The following ADGRE3 variants were observed in gnomAD, a reference collection of about 807,000 sequenced individuals.
ADGRE3 encodes adhesion G protein-coupled receptor E3.
In ADGRE3, 88 loss-of-function variants were observed where a neutral mutation model predicts 80.1. That is an observed-to-expected ratio of 1.10 (90% CI 0.93 to 1.31). The LOEUF (loss-of-function observed/expected upper bound fraction) is 1.31, where lower values mean the gene tolerates loss of function less well. Among genes scored for constraint, ADGRE3 ranks in the 40% most tolerant of loss-of-function variants. The pLI is 0.00. For synonymous variants in ADGRE3, 281 were observed against 294.8 expected (o/e 0.95, Z 0.48); for missense variants, 715 against 776.5 (o/e 0.92, Z 0.94).
Position 14,649,380 on chromosome 19 carries a change from C to T in ADGRE3, c.697+1705G>A, listed in dbSNP as rs117769818. ...TCTCTCCCCATCTCTCTTTCCATCT[C>T]TCTCTCCCCATCTCTCTCTTTCCAT... is the stretch of plus-strand genomic sequence containing the variant. On this transcript the variant is annotated intron_variant, in intron 7 of 15. Coordinates refer to ENST00000253673, the MANE Select transcript of ADGRE3 (RefSeq NM_032571.5). 2.2e-3 allele frequency among the ~76,000 whole-genome samples: 324 copies of T among 147,782 alleles called. 1 individual carries two copies. The highest frequency in any genetic ancestry group is 3.7e-3 in the Middle Eastern group (1 of 268).
At position 14,630,203 on chromosome 19, in the gene ADGRE3, G is replaced by C. The variant is rs903061478; in HGVS notation, c.1648C>G (p.Leu550Val). The change falls in exon 14 of 16, where the codon CTG becomes GTG. Residue 550 changes from leucine to valine, a missense_variant. Coordinates refer to ENST00000253673, the MANE Select transcript of ADGRE3 (RefSeq NM_032571.5). Reference sequence around the variant, plus strand: ...AGCTGAGCTGTTGCTTTGAAAGCCAGCATCCTGGGAGGAGGAAGTCAGAGA... The same window carrying C: ...AGCTGAGCTGTTGCTTTGAAAGCCACCATCCTGGGAGGAGGAAGTCAGAGA... Reference protein sequence around the residue: ...EVSTIQNTRMLAFKATAQLFI... With the variant: ...EVSTIQNTRMVAFKATAQLFI... The C allele has an allele frequency of 2.5e-6, 4 of 1,600,182 alleles. No individual in the cohort carries two copies. The African/African-American group carries it at 5.4e-5, about 21-fold the overall frequency.
chr19:14,651,777 C>A (rs570153626), intron 6 of ADGRE3, among the ~76,000 whole-genome samples: 2 of 152,244 alleles, frequency 1.3e-5, no homozygotes. Context: ...CACAGTGGCT[C>A]ATGCTTGTAA....
At chr19:14,650,114 TCATCTCTCTCTTTC>T (rs1971546499) in intron 7 of ADGRE3, among the ~76,000 whole-genome samples, 1 of 118,274 alleles carries the variant, frequency 8.5e-6, no homozygotes. Flanking sequence ...ATCCCTCTCC[TCATCTCTCTCTTTC>T]CATCTCTCTC....
At chr19:14,611,316 G>C in the ADGRE3 span, among the ~76,000 whole-genome samples, 1 of 149,402 alleles carries the variant, frequency 6.7e-6, no homozygotes, top group African/African-American at 2.5e-5. Flanking sequence ...GTTTGCACAA[G>C]CTAAGTGGCA....
At chr19:14,637,836 G>T (rs900434835) in intron 11 of ADGRE3, among the ~76,000 whole-genome samples, 1 of 151,838 alleles carries the variant, frequency 6.6e-6, no homozygotes. Flanking sequence ...GCCTCATTAA[G>T]CTCTTTCTCT....
chr19:14,637,958 C>T (rs1568482575), intron 11 of ADGRE3, 147 bp downstream of exon 11: 2 of 645,470 alleles, frequency 3.1e-6, no homozygotes, highest in Non-Finnish European at 5.5e-6. Context: ...ACCATCTCAC[C>T]CTGCTTTGTT....
the ADGRE3 span, among the ~76,000 whole-genome samples, chr19:14,611,990 C>T: frequency 1.3e-5 from 2 of 152,130 alleles, no homozygotes; most frequent in Admixed American, 1.3e-4. Flanking sequence ...GGTGACAGAG[C>T]AAGACTCCAT....
the ADGRE3 span, among the ~76,000 whole-genome samples, chr19:14,609,855 A>C: frequency 6.6e-6 from 1 of 150,702 alleles, no homozygotes; most frequent in African/African-American, 2.4e-5. Flanking sequence ...AAACAAAACA[A>C]AACAAAAAAC....
In ADGRE3 at chr19:14,628,930, C is replaced by CT. The variant is rs768289556; in HGVS notation, c.1812+1108dup. On this transcript the variant is annotated intron_variant, in intron 14 of 15. Coordinates refer to ENST00000253673, the MANE Select transcript of ADGRE3 (RefSeq NM_032571.5). ...TTGACTGGAAGCTTCTTCTTTTTCTCTTTTTTTTTTGAGACGGAGTCTTGC... is the reference window on the plus strand; with the variant it reads ...TTGACTGGAAGCTTCTTCTTTTTCTCTTTTTTTTTTTGAGACGGAGTCTTGC... 1,135 of 153,280 alleles carry CT rather than the reference C, an allele frequency of 7.4e-3. 10 individuals are homozygous for CT. The highest frequency in any genetic ancestry group is 0.013 in the Middle Eastern group (4 of 306). The allele number at this position is 153,280 out of a possible 1,614,324, so 9.5% of individuals were successfully genotyped here.
In ADGRE3 at chr19:14,655,075, T is replaced by C; in HGVS notation, c.484A>G (p.Thr162Ala). ...EGRQEISSTA[T>A]TILRDVESKV... ...GATTCCACATCCCGGAGAATAGTGG[T>C]AGCTGTGGATGAGATTTCTTGTCTC... The change falls in exon 6 of 16, where the codon ACC becomes GCC. Residue 162 changes from threonine (T) to alanine (A), a missense_variant. Coordinates refer to ENST00000253673, the MANE Select transcript of ADGRE3 (RefSeq NM_032571.5). 6.2e-7 allele frequency: 1 copy of C among 1,613,948 alleles called. No homozygotes were observed. The highest frequency in any genetic ancestry group is 8.5e-7 in the Non-Finnish European group (1 of 1,179,826).
At chr19:14,646,566 A>G (rs1444878430) in intron 8 of ADGRE3, among the ~76,000 whole-genome samples, 3 of 83,654 alleles carry the variant, frequency 3.6e-5, no homozygotes, top group African/African-American at 1.5e-4. Context: ...TTTTTTTTGC[A>G]TTTATTCTTA....
rs756055657 is a variant in ADGRE3 at position 14,655,156 on chromosome 19, T to C, written c.403A>G (p.Ile135Val). ...TTEGRKELQK[I>V]VDKFESLLTN... Reference sequence around the variant, plus strand: ...AGAAGTGACTCAAATTTGTCCACAATCTTTTGCAGCTTTGAAGACATAAAG... The same window carrying C: ...AGAAGTGACTCAAATTTGTCCACAACCTTTTGCAGCTTTGAAGACATAAAG... Residue 135 changes from isoleucine (I) to valine (V), a missense_variant, in exon 6 of 16, where the codon ATT (isoleucine) becomes GTT (valine). Physicochemically the swap from Ile to Val is conservative, Grantham distance 29 (BLOSUM62 3). Coordinates refer to ENST00000253673, the MANE Select transcript of ADGRE3 (RefSeq NM_032571.5). 7.5e-6 allele frequency: 12 copies of C among 1,608,452 alleles called. No homozygotes were observed. The South Asian group carries it at 1.2e-4, about 16-fold the overall frequency.
At chr19:14,602,660 CTTA>C in the ADGRE3 span, among the ~76,000 whole-genome samples, 1 of 151,926 alleles carries the variant, frequency 6.6e-6, no homozygotes, top group African/African-American at 2.4e-5. Flanking sequence ...GGTCTATCAT[CTTA>C]TTATTTTCCT....
intron 6 of ADGRE3, among the ~76,000 whole-genome samples, chr19:14,653,807 CAGTT>C (rs1568492817): frequency 6.6e-6 from 1 of 152,076 alleles, no homozygotes. Context: ...TCAGATCAAA[CAGTT>C]AGGACGTGGC....
At chr19:14,650,988 A>G (rs1020158490) in intron 7 of ADGRE3, 97 bp downstream of exon 7, 77 of 1,309,966 alleles carry the variant, frequency 5.9e-5, no homozygotes, top group Non-Finnish European at 7.4e-5. Context: ...GAGGGTAAAA[A>G]GCCCATGAGG....
intron 6 of ADGRE3, 89 bp downstream of exon 6, chr19:14,654,893 T>A: frequency 1.0e-6 from 1 of 957,052 alleles, no homozygotes; most frequent in East Asian, 2.5e-5. Context: ...ACTCATGTGG[T>A]GTATTCAATT....
chr19:14,672,131 C>G (rs1437519923), intron 1 of ADGRE3, among the ~76,000 whole-genome samples: 1 of 152,188 alleles, frequency 6.6e-6, no homozygotes, highest in African/African-American at 2.4e-5. Context: ...ACTGATAAAC[C>G]ATATGGCTGA....
chr19:14,650,418 C>T (rs1236006218), intron 7 of ADGRE3, among the ~76,000 whole-genome samples: 6 of 150,604 alleles, frequency 4.0e-5, no homozygotes, highest in African/African-American at 1.5e-4. Context: ...GTCCCCATCT[C>T]TCTCTTTCCA....
intron 6 of ADGRE3, among the ~76,000 whole-genome samples, chr19:14,652,259 T>A (rs1243908347): frequency 1.3e-5 from 2 of 152,106 alleles, no homozygotes; most frequent in Non-Finnish European, 2.9e-5. Flanking sequence ...TTGTACACCT[T>A]AAATATATAC....
Sources: allele counts gnomAD v4.1 joint callset (sites outside exome capture counted in the v4.1 genomes callset), GRCh38; gene constraint gnomAD v4.1.1; transcripts MANE v1.5; gene names NCBI Gene and HGNC (gene_info 2026-07-23, HGNC 2026-07-21).